Variants in INO80 observed in about 807,000 individuals in gnomAD.
The protein encoded by INO80 is chromatin-remodeling ATPase INO80.
A neutral mutation model predicts 203.4 loss-of-function variants in INO80; 20 were observed. The ratio of observed to expected loss-of-function variants is 0.10; its 90% confidence interval spans 0.07 to 0.14. The LOEUF (loss-of-function observed/expected upper bound fraction) is 0.14, where lower values mean the gene tolerates loss of function less well. INO80 is among the 10% of genes least tolerant of loss of function. The probability of loss-of-function intolerance (pLI) is 1.00; values close to 1 mark genes in which losing one functional copy is unlikely to be tolerated. For missense variants in INO80, 1,419 were observed against 1,914.4 expected (o/e 0.74, Z 4.83); for synonymous variants, 726 against 685.2 (o/e 1.06, Z -0.93).
chr15:41,042,609 G>A (rs1030749940), intron 24 of INO80, among the ~76,000 whole-genome samples: 2 of 151,976 alleles, frequency 1.3e-5, no homozygotes, highest in African/African-American at 4.8e-5. Flanking sequence ...GAGTAGCTGG[G>A]ATTACAGGCG....
intron 29 of INO80, among the ~76,000 whole-genome samples, chr15:40,995,605 G>A (rs1297257680): frequency 6.6e-6 from 1 of 152,174 alleles, no homozygotes; most frequent in Admixed American, 6.5e-5. Flanking sequence ...TACCAGCATA[G>A]CAAAGAATGG....
At chr15:40,980,704 T>A (rs1287960938) in intron 35 of INO80, among the ~76,000 whole-genome samples, 1 of 152,214 alleles carries the variant, frequency 6.6e-6, no homozygotes, top group Non-Finnish European at 1.5e-5. Context: ...AAAATGTTCA[T>A]CTTGACACTC....
At chr15:40,983,562 CG>C (rs1373976543) in intron 34 of INO80, among the ~76,000 whole-genome samples, 199 bp downstream of exon 34, 1 of 152,124 alleles carries the variant, frequency 6.6e-6, no homozygotes. Flanking sequence ...ATCTGAAAGT[CG>C]GGGATGACTA....
At chr15:41,072,296 C>G (rs1209664390) in intron 11 of INO80, among the ~76,000 whole-genome samples, 2 of 151,934 alleles carry the variant, frequency 1.3e-5, no homozygotes, top group Non-Finnish European at 2.9e-5. Flanking sequence ...ATTCGTCTAT[C>G]TTTGACTTAC....
chr15:41,008,462 GGTTCA>G (rs916505303), intron 27 of INO80, among the ~76,000 whole-genome samples: 3 of 152,058 alleles, frequency 2.0e-5, no homozygotes, highest in Non-Finnish European at 4.4e-5. Context: ...AGGGTACAAA[GGTTCA>G]GTTATGCAAA....
Position 40,980,194 on chromosome 15 carries a change from G to C in INO80, c.*29C>G. 1 of 1,581,810 alleles carries C rather than the reference G, an allele frequency of 6.3e-7. No homozygotes were observed. The highest frequency in any genetic ancestry group is 1.1e-5 in the South Asian group (1 of 90,310). ...CAGGTCAGGACTCTAGCCCTGGTTTGGTTGAAGGAAGTCGGAGGGCCCAGA... is the reference window on the plus strand; with the variant it reads ...CAGGTCAGGACTCTAGCCCTGGTTTCGTTGAAGGAAGTCGGAGGGCCCAGA... On this transcript the variant is annotated 3_prime_UTR_variant, in exon 36 of 36. Coordinates refer to ENST00000648947, the MANE Select transcript of INO80 (RefSeq NM_017553.3).
intron 7 of INO80, among the ~76,000 whole-genome samples, chr15:41,083,079 G>A (rs183399650): frequency 1.3e-5 from 2 of 151,932 alleles, no homozygotes; most frequent in African/African-American, 2.4e-5. Context: ...TCAGAAGATC[G>A]AGACCAGCCT....
At chr15:41,113,990 C>T (rs1352705339) in intron 1 of INO80, among the ~76,000 whole-genome samples, 1 of 152,138 alleles carries the variant, frequency 6.6e-6, no homozygotes, top group Non-Finnish European at 1.5e-5. Flanking sequence ...AAAATTCAGC[C>T]GGGCACGGTG....
intron 5 of INO80, among the ~76,000 whole-genome samples, chr15:41,090,562 C>T (rs951259711): frequency 1.3e-5 from 2 of 151,912 alleles, no homozygotes; most frequent in Non-Finnish European, 2.9e-5. Context: ...GGCAACAGAG[C>T]GAGACTCTGT....
intron 4 of INO80, among the ~76,000 whole-genome samples, chr15:41,093,834 G>A (rs2045680560): frequency 6.6e-6 from 1 of 152,096 alleles, no homozygotes; most frequent in Non-Finnish European, 1.5e-5. Flanking sequence ...GAAAAAGTGA[G>A]ACCCTGTCTC....
intron 25 of INO80, among the ~76,000 whole-genome samples, chr15:41,023,538 G>A (rs928769680): frequency 6.6e-6 from 1 of 151,994 alleles, no homozygotes; most frequent in Non-Finnish European, 1.5e-5. Context: ...GGAGGCCGAG[G>A]TGGGTGAATC....
intron 6 of INO80, among the ~76,000 whole-genome samples, chr15:41,087,289 A>C (rs2045577154): frequency 6.6e-6 from 1 of 152,196 alleles, no homozygotes; most frequent in African/African-American, 2.4e-5. Context: ...AGTATACGAG[A>C]GGATGTGCAC....
chr15:41,000,244 A>G (rs2043940718), intron 28 of INO80, among the ~76,000 whole-genome samples: 1 of 152,162 alleles, frequency 6.6e-6, no homozygotes, highest in African/African-American at 2.4e-5. Flanking sequence ...GGGTCATCCA[A>G]TGGCTAGGAC....
At chr15:41,071,805 G>C in intron 12 of INO80, 44 bp downstream of exon 12, 1 of 1,505,104 alleles carries the variant, frequency 6.6e-7, no homozygotes. Context: ...AATGACTTTA[G>C]GAAAAGAGAT....
rs182678660 is a variant in INO80, at chr15:41,108,509, A to G, written c.-44+7464T>C. Among the ~76,000 whole-genome samples, 406 of 148,884 alleles carry G rather than the reference A, an allele frequency of 2.7e-3. 3 individuals are homozygous for G. The highest frequency in any genetic ancestry group is 0.013 in the South Asian group (61 of 4,552). Reference sequence around the variant, plus strand: ...TGGGAGGCTGAGGCAGGAGAATGGCATGAACTCGGGAGGCGGAGCTTGCAG... The same window carrying G: ...TGGGAGGCTGAGGCAGGAGAATGGCGTGAACTCGGGAGGCGGAGCTTGCAG... On this transcript the variant is annotated intron_variant, in intron 1 of 35. Transcript: ENST00000648947.
At chr15:41,109,963 T>C (rs2045935712) in intron 1 of INO80, among the ~76,000 whole-genome samples, 2 of 145,394 alleles carry the variant, frequency 1.4e-5, no homozygotes, top group Non-Finnish European at 3.0e-5. Flanking sequence ...GGCGTGGTGA[T>C]GGGTGGCTGT....
chr15:41,090,405 G>A (rs763235666), intron 5 of INO80, among the ~76,000 whole-genome samples: 10 of 151,888 alleles, frequency 6.6e-5, no homozygotes, highest in Non-Finnish European at 1.0e-4. Flanking sequence ...GTGAAAACCC[G>A]TCTTTACTAA....
intron 4 of INO80, among the ~76,000 whole-genome samples, chr15:41,095,193 T>C (rs2045703965): frequency 6.6e-6 from 1 of 152,024 alleles, no homozygotes; most frequent in East Asian, 1.9e-4. Flanking sequence ...ACAAAAAAAT[T>C]AGCTGGGCGT....
intron 17 of INO80, 21 bp from the exon 18 acceptor site, chr15:41,055,385 G>GAAAT (rs1244032877): frequency 1.7e-5 from 26 of 1,496,684 alleles, no homozygotes; most frequent in Non-Finnish European, 2.3e-5. Flanking sequence ...AGACAAAAAT[G>GAAAT]AAATAGCTAT....
Sources: gnomAD v4.1 joint callset for allele counts (sites outside exome capture counted in the v4.1 genomes callset) on GRCh38, gnomAD v4.1.1 for gene constraint, MANE v1.5 for transcripts, NCBI Gene and HGNC (gene_info 2026-07-23, HGNC 2026-07-21) for gene names.